The following IQSEC3 variants were observed in gnomAD, a reference collection of about 807,000 sequenced individuals.
The protein encoded by IQSEC3 is IQ motif and Sec7 domain ArfGEF 3.
Under a neutral mutation model 105.4 loss-of-function variants are expected in IQSEC3, and 50 were observed. That is an observed-to-expected ratio of 0.47 (90% confidence interval 0.38 to 0.60). The LOEUF (loss-of-function observed/expected upper bound fraction) is 0.60. Ranked by LOEUF, IQSEC3 falls within the 20% of genes least tolerant of loss-of-function variation. The pLI is 0.00. For synonymous variants in IQSEC3, 708 were observed against 746.0 expected (o/e 0.95, Z 0.83); for missense variants, 1,415 against 1,630.0 (o/e 0.87, Z 2.27).
chr12:76,218 G>C (rs1422407743), intron 1 of IQSEC3, among the ~76,000 whole-genome samples: 1 of 152,228 alleles, frequency 6.6e-6, no homozygotes, highest in Non-Finnish European at 1.5e-5. Context: ...CGTATCTCTG[G>C]GGGAAAAGAG....
intron 5 of IQSEC3, 195 bp downstream of exon 5, chr12:141,480 T>C: frequency 3.5e-6 from 2 of 571,218 alleles, no homozygotes; most frequent in South Asian, 2.8e-5. Flanking sequence ...GTCAGAGTCA[T>C]TGATTGAGTT....
chr12:136,664 C>T (rs143241555), intron 3 of IQSEC3, among the ~76,000 whole-genome samples: 18 of 152,192 alleles, frequency 1.2e-4, no homozygotes, highest in African/African-American at 3.8e-4. Context: ...TTCATCTCAG[C>T]GCACCCATCC....
Position 119,646 on chromosome 12 carries a change from G to A in IQSEC3, c.624-5987G>A, listed in dbSNP as rs543553490. Among the ~76,000 whole-genome samples the A allele has an allele frequency of 2.0e-5, 3 of 152,280 alleles. No homozygotes were observed. In the South Asian group the frequency reaches 6.2e-4, roughly 32 times the overall value. Reference sequence around the variant, plus strand: ...GGGATCAACACCCATGGAAGGGAGGGGAGGCACACAGCATGGGGCAGAGTC... The same window carrying A: ...GGGATCAACACCCATGGAAGGGAGGAGAGGCACACAGCATGGGGCAGAGTC... On this transcript the variant is annotated intron_variant, in intron 2 of 13. Coordinates refer to ENST00000538872, the MANE Select transcript of IQSEC3 (RefSeq NM_001170738.2).
At chr12:155,450 A>C (rs1378663008) in intron 5 of IQSEC3, among the ~76,000 whole-genome samples, 1 of 152,148 alleles carries the variant, frequency 6.6e-6, no homozygotes, top group Non-Finnish European at 1.5e-5. Context: ...AAAGAGGAGG[A>C]GAGACTCCCA....
intron 2 of IQSEC3, among the ~76,000 whole-genome samples, chr12:114,023 T>A (rs192882235): frequency 6.6e-6 from 1 of 152,348 alleles, no homozygotes; most frequent in Admixed American, 6.5e-5. Flanking sequence ...TTAAATTCCA[T>A]AAGCTTTCCA....
At chr12:109,962 C>G (rs1318248112) in intron 2 of IQSEC3, among the ~76,000 whole-genome samples, 1 of 152,224 alleles carries the variant, frequency 6.6e-6, no homozygotes, top group Non-Finnish European at 1.5e-5. Context: ...CCCTGACAAT[C>G]TGCAAAGATG....
intron 2 of IQSEC3, among the ~76,000 whole-genome samples, chr12:99,817 C>G (rs1864363140): frequency 6.6e-6 from 1 of 152,176 alleles, no homozygotes; most frequent in African/African-American, 2.4e-5. Context: ...CCTCCCTGTC[C>G]CGCTTCCTGG....
chr12:118,293 C>A (rs781982732), intron 2 of IQSEC3, among the ~76,000 whole-genome samples: 1 of 152,116 alleles, frequency 6.6e-6, no homozygotes, highest in Non-Finnish European at 1.5e-5. Context: ...ACCTCCACCC[C>A]CCTCATGCCA....
chr12:93,284 A>G (rs1236097634), intron 1 of IQSEC3, among the ~76,000 whole-genome samples: 1 of 152,192 alleles, frequency 6.6e-6, no homozygotes, highest in African/African-American at 2.4e-5. Flanking sequence ...CTGAGGTAAG[A>G]AAGCCTTACT....
Position 157,129 on chromosome 12 carries a change from G to T in IQSEC3, c.2258G>T (p.Arg753Leu), listed in dbSNP as rs527558225. The T allele has an allele frequency of 1.3e-6, 2 of 1,589,900 alleles. No homozygotes were observed. The highest frequency in any genetic ancestry group is 2.3e-5 in the South Asian group (2 of 87,004). The change falls in exon 6 of 14, where the codon CGG (arginine) becomes CTG (leucine). Residue 753 changes from arginine (R) to leucine (L), a missense_variant. Physicochemically the swap from Arg to Leu is moderately radical, Grantham distance 102 (BLOSUM62 -2). Coordinates refer to ENST00000538872, the MANE Select transcript of IQSEC3 (RefSeq NM_001170738.2). ...RVQGEAQKVE[R>L]LIEAFSQRYC... ...CAGGGGGAGGCTCAGAAGGTGGAGC[G>T]GCTCATTGAGGCCTTCAGGTAAGGC...
intron 2 of IQSEC3, among the ~76,000 whole-genome samples, chr12:124,772 G>T (rs1865329716): frequency 6.6e-6 from 1 of 152,190 alleles, no homozygotes; most frequent in South Asian, 2.1e-4. Flanking sequence ...GCAGAACTTG[G>T]AGGCTAGTGG....
At chr12:73,439 C>A (rs1256657845) in intron 1 of IQSEC3, among the ~76,000 whole-genome samples, 3 of 152,220 alleles carry the variant, frequency 2.0e-5, no homozygotes, top group African/African-American at 4.8e-5. Context: ...GATAAAGAAA[C>A]CAAGATGGCA....
Position 138,679 on chromosome 12 carries a change from C to T in IQSEC3, c.1316C>T (p.Ala439Val). The stretch of plus-strand genomic sequence containing the variant: ...AGTGGCGCTTACCAGCTCCACCAGG[C>T]CCTGCAGGCGGCCGCGGGGCCCCCA... ...RESGAYQLHQ[A>V]LQAAAGPPGL... Residue 439 changes from alanine (A) to valine (V), a missense_variant, in exon 4 of 14, where the codon GCC becomes GTC. Ala to Val is a moderately conservative substitution (Grantham distance 64). This residue lies in a region of IQSEC3 where 720 missense variants were observed against 633.0 expected (regional missense o/e 1.14). Coordinates refer to ENST00000538872, the MANE Select transcript of IQSEC3 (RefSeq NM_001170738.2). This position sits in a 1 kb window ranked among gnomAD's most constrained non-coding sequence, Gnocchi z 7.1. 2 of 1,548,580 alleles carry T rather than the reference C, an allele frequency of 1.3e-6. No homozygotes were observed. Among genetic ancestry groups the T allele is most frequent in the African/African-American group, 2.7e-5 (2 of 73,360 alleles).
chr12:172,283 T>C (rs1319258189), intron 13 of IQSEC3, among the ~76,000 whole-genome samples: 1 of 145,012 alleles, frequency 6.9e-6, no homozygotes, highest in Admixed American at 6.9e-5. Flanking sequence ...AGGAGCTTCC[T>C]GCCCCAGCCG....
At chr12:94,637 G>T (rs181827780) in intron 1 of IQSEC3, among the ~76,000 whole-genome samples, 2 of 152,214 alleles carry the variant, frequency 1.3e-5, no homozygotes, top group Non-Finnish European at 2.9e-5. Context: ...AGGTCTTGGG[G>T]GCATTCAGTT....
At chr12:153,029 A>T (rs1269371945) in intron 5 of IQSEC3, among the ~76,000 whole-genome samples, 1 of 152,112 alleles carries the variant, frequency 6.6e-6, no homozygotes, top group East Asian at 1.9e-4. Flanking sequence ...GAAAGTGGGA[A>T]TTAGGAGTGC....
At chr12:107,012 C>A (rs1466848600) in intron 2 of IQSEC3, 2 of 152,156 alleles carry the variant, frequency 1.3e-5, no homozygotes, top group Admixed American at 1.3e-4. Flanking sequence ...CATGGAATGG[C>A]TTAAGAAACG....
intron 1 of IQSEC3, among the ~76,000 whole-genome samples, chr12:76,167 G>A (rs550078893): frequency 6.6e-6 from 1 of 151,922 alleles, no homozygotes; most frequent in African/African-American, 2.4e-5. Flanking sequence ...ACGGGCAATG[G>A]GCCTATGAAG....
Position 138,055 on chromosome 12 carries a change from G to A in IQSEC3, c.904-212G>A, listed in dbSNP as rs1865841376. On this transcript the variant is annotated intron_variant, in intron 3 of 13. Coordinates refer to ENST00000538872, the MANE Select transcript of IQSEC3 (RefSeq NM_001170738.2). The surrounding 1 kb of genome is among the most constrained non-coding windows in gnomAD (Gnocchi z 7.1). ...GCCCTTGAGACATCACTAGTCCCCA[G>A]AACGGACCCCTCCGTCCTACACCTC... 6.6e-6 allele frequency among the ~76,000 whole-genome samples: 1 copy of A among 152,020 alleles called. No individual in the cohort carries two copies. Among genetic ancestry groups the A allele is most frequent in the Non-Finnish European group, 1.5e-5 (1 of 68,000 alleles).
Sources: gnomAD v4.1 joint callset for allele counts (sites outside exome capture counted in the v4.1 genomes callset) on GRCh38, gnomAD v4.1.1 for gene constraint, gnomAD v4.1.1 regional missense constraint, Gnocchi (gnomAD v3.1) non-coding constraint, MANE v1.5 for transcripts, NCBI Gene and HGNC (gene_info 2026-07-23, HGNC 2026-07-21) for gene names.